GCNT1: variants seen among roughly 807,000 people sequenced by gnomAD.
GCNT1 encodes the protein glucosaminyl (N-acetyl) transferase 1.
GCNT1 carries 16 observed loss-of-function variants against 26.2 expected under a neutral mutation model. That is an observed-to-expected ratio of 0.61 (90% CI 0.41 to 0.93). The LOEUF is 0.93. Ranked by LOEUF, GCNT1 falls within the 40% of genes least tolerant of loss-of-function variation. The pLI, the probability that GCNT1 is intolerant of heterozygous loss-of-function variation, is 0.00. For synonymous variants in GCNT1, 183 were observed against 190.8 expected (o/e 0.96, Z 0.34); for missense variants, 477 against 526.7 (o/e 0.91, Z 0.92).
chr9:76,479,623 A>C (rs1388398974), intron 2 of GCNT1, among the ~76,000 whole-genome samples: 1 of 152,108 alleles, frequency 6.6e-6, no homozygotes, highest in Admixed American at 6.6e-5. Flanking sequence ...GATGATGAGC[A>C]TTTTTTCATA....
the GCNT1 span, among the ~76,000 whole-genome samples, chr9:76,411,553 T>G: frequency 6.6e-6 from 1 of 151,836 alleles, no homozygotes; most frequent in African/African-American, 2.4e-5. Flanking sequence ...GGTCTTGAAA[T>G]CCTGGGCTCA....
intron 2 of GCNT1, among the ~76,000 whole-genome samples, chr9:76,497,708 G>C (rs1478156861): frequency 6.6e-6 from 1 of 152,002 alleles, no homozygotes; most frequent in Non-Finnish European, 1.5e-5. Context: ...ACCCTTTCAT[G>C]TACCCACATT....
At chr9:76,496,717 C>T (rs1330970063) in intron 2 of GCNT1, among the ~76,000 whole-genome samples, 2 of 152,110 alleles carry the variant, frequency 1.3e-5, no homozygotes, top group Non-Finnish European at 2.9e-5. Flanking sequence ...TTTCAGTATT[C>T]TTAGAATTTA....
chr9:76,400,280 T>G, the GCNT1 span, among the ~76,000 whole-genome samples: 1 of 152,162 alleles, frequency 6.6e-6, no homozygotes, highest in Non-Finnish European at 1.5e-5. Flanking sequence ...AATTTCTGAC[T>G]TGGAGTCTGA....
chr9:76,412,645 A>T, the GCNT1 span, among the ~76,000 whole-genome samples: 1 of 152,184 alleles, frequency 6.6e-6, no homozygotes, highest in Non-Finnish European at 1.5e-5. Flanking sequence ...TTTTGAACAC[A>T]GGTTTAATTT....
upstream of GCNT1, among the ~76,000 whole-genome samples, chr9:76,439,020 C>T (rs1312756016): frequency 2.6e-5 from 4 of 152,042 alleles, no homozygotes; most frequent in South Asian, 4.1e-4. Flanking sequence ...TCTCGTCAGA[C>T]TTATTAACAT....
Position 76,503,525 on chromosome 9 carries a change from A to T in GCNT1, c.1144A>T (p.Ile382Phe). Residue 382 changes from isoleucine to phenylalanine, a missense_variant, in exon 4 of 4, where the codon ATT becomes TTT. By Grantham distance (21) the Ile-to-Phe change is conservative (BLOSUM62 0). Coordinates refer to ENST00000376730, the MANE Select transcript of GCNT1 (RefSeq NM_001490.5). ...TGGAGTCCATGTGCGCTCAGTGTGC[A>T]TTTTCGGAGCTGGTGACTTGAACTG... The part of the protein sequence containing the change: ...CDGVHVRSVC[I>F]FGAGDLNWML... The T allele has an allele frequency of 6.2e-7, 1 of 1,614,118 alleles. No individual in the cohort carries two copies. Among genetic ancestry groups the T allele is most frequent in the Non-Finnish European group, 8.5e-7 (1 of 1,180,024 alleles).
upstream of GCNT1, among the ~76,000 whole-genome samples, chr9:76,457,859 T>C (rs1016974798): frequency 3.3e-5 from 5 of 152,194 alleles, no homozygotes; most frequent in Admixed American, 2.0e-4. Flanking sequence ...CAGGAGTTTT[T>C]CCCAAAATCA....
At chr9:76,394,272 G>C in the GCNT1 span, 20 of 1,220,240 alleles carry the variant, frequency 1.6e-5, no homozygotes, top group Non-Finnish European at 1.9e-5. Flanking sequence ...GGGGACAGGA[G>C]CGTGAGCTCT....
At chr9:76,412,446 G>T in the GCNT1 span, among the ~76,000 whole-genome samples, 5 of 152,144 alleles carry the variant, frequency 3.3e-5, no homozygotes, top group African/African-American at 1.2e-4. Context: ...TTACAAGGCA[G>T]ATCTACTAGC....
At chr9:76,401,814 G>A in the GCNT1 span, among the ~76,000 whole-genome samples, 108 of 152,268 alleles carry the variant, frequency 7.1e-4, no homozygotes, top group Non-Finnish European at 1.0e-3. Context: ...AGGATCCCTT[G>A]AGCCCAGGAG....
chr9:76,406,069 C>T, the GCNT1 span, among the ~76,000 whole-genome samples: 1 of 152,202 alleles, frequency 6.6e-6, no homozygotes, highest in African/African-American at 2.4e-5. Context: ...GGTCAGTGTT[C>T]TGGATTTGGG....
At chr9:76,418,502 C>T (rs192547446), upstream of GCNT1, among the ~76,000 whole-genome samples, 27 of 152,204 alleles carry the variant, frequency 1.8e-4, no homozygotes, top group Middle Eastern at 3.4e-3. Flanking sequence ...TCTATTCAGA[C>T]GGTTGGTTGG....
the GCNT1 span, among the ~76,000 whole-genome samples, chr9:76,411,533 T>G: frequency 6.6e-6 from 1 of 151,470 alleles, no homozygotes; most frequent in South Asian, 2.1e-4. Flanking sequence ...CTCACTATGT[T>G]GCCCAGGCTG....
intron 2 of GCNT1, among the ~76,000 whole-genome samples, chr9:76,479,383 G>T (rs1824353483): frequency 6.6e-6 from 1 of 152,112 alleles, no homozygotes; most frequent in Admixed American, 6.6e-5. Context: ...CCCAGTAATG[G>T]GATGGCTGGG....
upstream of GCNT1, among the ~76,000 whole-genome samples, chr9:76,438,313 A>G (rs1276409047): frequency 2.0e-5 from 3 of 152,164 alleles, no homozygotes; most frequent in African/African-American, 7.2e-5. Flanking sequence ...TAGATTTAAA[A>G]TTTTTCTGAT....
intron 2 of GCNT1, among the ~76,000 whole-genome samples, chr9:76,482,369 C>T (rs1824444728): frequency 1.3e-5 from 2 of 151,934 alleles, no homozygotes; most frequent in African/African-American, 4.8e-5. Flanking sequence ...TGCCTGTGAT[C>T]CCAGCACTTT....
chr9:76,440,340 TG>T (rs1290691035), upstream of GCNT1, among the ~76,000 whole-genome samples: 1 of 152,212 alleles, frequency 6.6e-6, no homozygotes, highest in Non-Finnish European at 1.5e-5. Context: ...TTGAAGACTT[TG>T]TTTGCCTTGT....
chr9:76,495,122 G>A (rs1187523303), intron 2 of GCNT1, among the ~76,000 whole-genome samples: 1 of 152,124 alleles, frequency 6.6e-6, no homozygotes, highest in Non-Finnish European at 1.5e-5. Context: ...AAGCGAAAGG[G>A]GTCCGATGGT....
Sources: gnomAD v4.1 joint callset for allele counts (sites outside exome capture counted in the v4.1 genomes callset) on GRCh38, gnomAD v4.1.1 for gene constraint, MANE v1.5 for transcripts, NCBI Gene and HGNC (gene_info 2026-07-23, HGNC 2026-07-21) for gene names.